The following WDR7 variants were observed in gnomAD, a reference collection of about 807,000 sequenced individuals.
WDR7 encodes WD repeat-containing protein 7.
WDR7 carries 46 observed loss-of-function variants against 169.4 expected under a neutral mutation model. The ratio of observed to expected loss-of-function variants is 0.27; its 90% confidence interval spans 0.21 to 0.35. WDR7 has a LOEUF of 0.35. Ranked by LOEUF, WDR7 falls within the 10% of genes least tolerant of loss-of-function variation. WDR7 has a pLI of 1.00. For synonymous variants in WDR7, 612 were observed against 666.8 expected (o/e 0.92, Z 1.27); for missense variants, 1,534 against 1,859.3 (o/e 0.83, Z 3.22).
At chr18:56,710,547 A>G (rs905967586) in intron 12 of WDR7, among the ~76,000 whole-genome samples, 2 of 152,190 alleles carry the variant, frequency 1.3e-5, no homozygotes, top group Non-Finnish European at 2.9e-5. Flanking sequence ...TCTACTGTAA[A>G]TAATACAATA....
chr18:57,020,995 A>G, intron 27 of WDR7, 146 bp downstream of exon 27: 2 of 676,828 alleles, frequency 3.0e-6, no homozygotes, highest in Middle Eastern at 2.5e-4. Flanking sequence ...TTGATTGCTG[A>G]TGATGTGCCA....
chr18:56,735,499 AAATAGAT>A (rs1230874394), intron 14 of WDR7, among the ~76,000 whole-genome samples: 2 of 152,112 alleles, frequency 1.3e-5, no homozygotes, highest in East Asian at 3.8e-4. Flanking sequence ...TTTTTTTCCT[AAATAGAT>A]GCTGGAGTGT....
At chr18:57,001,240 A>G (rs1047479560) in intron 26 of WDR7, among the ~76,000 whole-genome samples, 4 of 152,126 alleles carry the variant, frequency 2.6e-5, no homozygotes, top group African/African-American at 9.7e-5. Context: ...ACACAAATCT[A>G]CTAGAGAGTG....
chr18:56,927,501 C>G lies in WDR7; in HGVS notation c.3713+3393C>G, dbSNP rs551032341. On this transcript the variant is annotated intron_variant, in intron 22 of 27. Transcript: ENST00000254442. ...ATGTGGCATACACCTGTGGTCCCAG[C>G]TACTCAGGAGGCTGAAGGGGAAGGA... 3.9e-5 allele frequency among the ~76,000 whole-genome samples: 6 copies of G among 152,192 alleles called. No homozygotes were observed. The South Asian group carries it at 1.2e-3, about 32-fold the overall frequency.
chr18:56,737,671 T>C (rs1037950934), intron 14 of WDR7, among the ~76,000 whole-genome samples: 5 of 152,214 alleles, frequency 3.3e-5, no homozygotes, highest in African/African-American at 1.2e-4. Context: ...AAATATAACC[T>C]ACTAAGAACA....
chr18:56,956,509 A>G (rs1450970768), intron 25 of WDR7, among the ~76,000 whole-genome samples: 1 of 152,094 alleles, frequency 6.6e-6, no homozygotes, highest in Non-Finnish European at 1.5e-5. Flanking sequence ...GAGCTCCTCA[A>G]GTTTGTGGCC....
At position 56,682,799 on chromosome 18, in the gene WDR7, A is replaced by G. The variant is rs2025374578; in HGVS notation, c.466A>G (p.Ile156Val). ...AGTATTATACTCCTTAGTATCAAAG[A>G]TATCACCAGACTGGATTAGCTCCAT... ...LEVLYSLVSK[I>V]SPDWISSMSI... is the part of the protein sequence containing the mutation. The change falls in exon 5 of 28, where the codon ATA becomes GTA. Residue 156 changes from isoleucine to valine, a missense_variant. Physicochemically the swap from Ile to Val is conservative, Grantham distance 29. Transcript: ENST00000254442. The G allele has an allele frequency of 3.1e-6, 5 of 1,613,830 alleles. No homozygotes were observed. The highest frequency in any genetic ancestry group is 4.2e-6 in the Non-Finnish European group (5 of 1,179,792).
At chr18:56,751,279 T>A (rs1215236137) in intron 14 of WDR7, among the ~76,000 whole-genome samples, 1 of 152,140 alleles carries the variant, frequency 6.6e-6, no homozygotes, top group East Asian at 1.9e-4. Flanking sequence ...GATCTGCAGG[T>A]GCCGAAAGCG....
chr18:56,683,239 C>A (rs546761235), intron 5 of WDR7, among the ~76,000 whole-genome samples: 6 of 152,186 alleles, frequency 3.9e-5, no homozygotes, highest in African/African-American at 1.2e-4. Context: ...GTTTCCATTT[C>A]AAATGGGGAC....
chr18:56,913,848 G>C (rs925801829), intron 21 of WDR7, among the ~76,000 whole-genome samples: 1 of 151,732 alleles, frequency 6.6e-6, no homozygotes, highest in Non-Finnish European at 1.5e-5. Context: ...CATGACTCCT[G>C]TTATAGTCCA....
intron 16 of WDR7, among the ~76,000 whole-genome samples, chr18:56,774,229 G>A (rs2044208609): frequency 6.6e-6 from 1 of 152,014 alleles, no homozygotes; most frequent in Non-Finnish European, 1.5e-5. Context: ...ATGGAGTTTA[G>A]AATCAAATTT....
chr18:57,012,157 G>C lies in WDR7; in HGVS notation c.4165-8588G>C, dbSNP rs561057435. Among the ~76,000 whole-genome samples, 13 of 152,278 alleles carry C rather than the reference G, an allele frequency of 8.5e-5. No homozygotes were observed. In the South Asian group the frequency reaches 2.7e-3, roughly 32 times the overall value. ...GAAGGCCAGGACAACTCTGTTTTAA[G>C]AGGTTTGAACTCCTGGAGGTGGGTC... is the stretch of plus-strand genomic sequence containing the variant. On this transcript the variant is annotated intron_variant, in intron 26 of 27. Coordinates refer to ENST00000254442, the MANE Select transcript of WDR7 (RefSeq NM_015285.3).
intron 24 of WDR7, 111 bp from the exon 25 acceptor site, chr18:56,939,200 A>G (rs2047001515): frequency 5.9e-6 from 4 of 672,980 alleles, no homozygotes; most frequent in Non-Finnish European, 9.3e-6. Context: ...TTAAATACTA[A>G]AATAAAGCTA....
At chr18:56,921,372 A>G (rs1458503841) in intron 21 of WDR7, among the ~76,000 whole-genome samples, 1 of 152,174 alleles carries the variant, frequency 6.6e-6, no homozygotes, top group Non-Finnish European at 1.5e-5. Context: ...ATGCCCTCAC[A>G]TGGCCTGCCA....
intron 1 of WDR7, among the ~76,000 whole-genome samples, chr18:56,654,430 G>A (rs1421324521): frequency 3.9e-5 from 6 of 152,136 alleles, no homozygotes; most frequent in Non-Finnish European, 7.4e-5. Flanking sequence ...GTGCCCTGCC[G>A]AATCTGAGTA....
intron 19 of WDR7, among the ~76,000 whole-genome samples, chr18:56,814,825 A>G (rs2044936259): frequency 6.6e-6 from 1 of 152,194 alleles, no homozygotes; most frequent in Admixed American, 6.5e-5. Flanking sequence ...ATGCTTCTGC[A>G]AAGTGGTGAG....
intron 21 of WDR7, among the ~76,000 whole-genome samples, chr18:56,896,653 A>G (rs903587791): frequency 5.3e-5 from 8 of 151,870 alleles, no homozygotes; most frequent in African/African-American, 1.9e-4. Context: ...AAATAATGAA[A>G]TTGGATCACC....
intron 21 of WDR7, among the ~76,000 whole-genome samples, chr18:56,905,151 T>C (rs919424179): frequency 2.0e-5 from 3 of 152,178 alleles, no homozygotes; most frequent in Admixed American, 6.5e-5. Flanking sequence ...GTTTGTTTAT[T>C]TTGTTTTATT....
chr18:56,741,688 C>T (rs1558941), intron 14 of WDR7, among the ~76,000 whole-genome samples: 12,383 of 152,210 alleles, frequency 0.081, 978 homozygotes, highest in East Asian at 0.36. Flanking sequence ...TCCACCAACT[C>T]TTCTCCAGTT....
Sources: gnomAD v4.1 joint callset for allele counts (sites outside exome capture counted in the v4.1 genomes callset) on GRCh38, gnomAD v4.1.1 for gene constraint, MANE v1.5 for transcripts, NCBI Gene and HGNC (gene_info 2026-07-23, HGNC 2026-07-21) for gene names.